IQSEC1: variants seen among roughly 807,000 people sequenced by gnomAD.
IQSEC1 encodes the protein IQ motif and Sec7 domain ArfGEF 1, also known as IQ motif and SEC7 domain-containing protein 1.
A neutral mutation model predicts 91.0 loss-of-function variants in IQSEC1; 31 were observed. The ratio of observed to expected loss-of-function variants is 0.34; its 90% CI spans 0.26 to 0.46. IQSEC1 has a LOEUF of 0.46. IQSEC1 is among the 20% of genes least tolerant of loss of function. The pLI is 1.00. For missense variants in IQSEC1, 1,388 were observed against 1,575.6 expected (o/e 0.88, Z 2.02); for synonymous variants, 699 against 662.6 (o/e 1.05, Z -0.84).
At chr3:12,912,727 T>C (rs1695689211) in intron 9 of IQSEC1, among the ~76,000 whole-genome samples, 1 of 146,698 alleles carries the variant, frequency 6.8e-6, no homozygotes, top group African/African-American at 2.5e-5. Context: ...AGAAAGCCCG[T>C]GGCATGCAGG....
rs979248866 is a variant in IQSEC1 at position 12,983,156 on chromosome 3, T to G, written c.24-41291A>C. On this transcript the variant is annotated intron_variant, in intron 1 of 13. Coordinates refer to ENST00000613206, the MANE Select transcript of IQSEC1 (RefSeq NM_001134382.3). The surrounding 1 kb of genome is among the most constrained non-coding windows in gnomAD (Gnocchi z 4.3). ...AGGGACTTTATGGCCAGCATTCCGC[T>G]GGCCCCAGCTGCATAATCCAGATCT... Among the ~76,000 whole-genome samples the G allele has an allele frequency of 5.3e-5, 8 of 152,220 alleles. No homozygotes were observed. The highest frequency in any genetic ancestry group is 8.8e-5 in the Non-Finnish European group (6 of 68,030).
chr3:12,975,609 C>T (rs536046665), intron 1 of IQSEC1, among the ~76,000 whole-genome samples: 2 of 152,340 alleles, frequency 1.3e-5, no homozygotes, highest in Non-Finnish European at 2.9e-5. Context: ...AACCATGAAG[C>T]TCCACAGTCC....
intron 1 of IQSEC1, among the ~76,000 whole-genome samples, chr3:12,984,997 T>C (rs1164640056): frequency 1.3e-5 from 2 of 151,854 alleles, no homozygotes; most frequent in African/African-American, 4.8e-5. Flanking sequence ...GCTAATTTTT[T>C]GTATTTTTAG....
At position 13,193,690 on chromosome 3, in the gene IQSEC1, G is replaced by C. The variant is rs931219846; in HGVS notation, c.273-29557C>G. 6.6e-6 allele frequency among the ~76,000 whole-genome samples: 1 copy of C among 152,190 alleles called. No homozygotes were observed. The highest frequency in any genetic ancestry group is 1.5e-5 in the Non-Finnish European group (1 of 68,038). ...GGGAAAGAGGCAGTTGGAGACCAAA[G>C]GCTGATGTCAGAGCTTAAGCCTCCC... On this transcript the variant is annotated intron_variant, in intron 1 of 15. Transcript: ENST00000648114. The surrounding 1 kb of genome is among the most constrained non-coding windows in gnomAD (Gnocchi z 4.2).
rs551420832 is a variant in IQSEC1, at chr3:13,231,661, G to A, written c.272+51050C>T. On this transcript the variant is annotated intron_variant, in intron 1 of 15. Coordinates refer to the IQSEC1 transcript ENST00000648114. ...TTATTCTCTATAAAATGGGGATGAT[G>A]AGCCCTACTTTGCTGTCTCTACCAA... Among the ~76,000 whole-genome samples, 20 of 152,324 alleles carry A rather than the reference G, an allele frequency of 1.3e-4. No homozygotes were observed. In the Middle Eastern group the frequency reaches 0.017, roughly 130 times the overall value.
intron 3 of IQSEC1, among the ~76,000 whole-genome samples, chr3:12,932,213 C>T (rs1697740275): frequency 2.0e-5 from 3 of 152,190 alleles, no homozygotes; most frequent in South Asian, 2.1e-4. Context: ...AGTGAGGTCC[C>T]TGCTGGGCAC....
chr3:12,900,926 C>T lies in IQSEC1; in HGVS notation c.*57G>A, dbSNP rs535542117. On this transcript the variant is annotated 3_prime_UTR_variant, in exon 14 of 14. Transcript: ENST00000613206. ...TGGTGTGCGGCTGGCGACCCCCGGGCGTGCCCTGTGTGGTGTGCAGGTGTT... is the reference window on the plus strand; with the variant it reads ...TGGTGTGCGGCTGGCGACCCCCGGGTGTGCCCTGTGTGGTGTGCAGGTGTT... 49 of 1,537,220 alleles carry T rather than the reference C, an allele frequency of 3.2e-5. No homozygotes were observed. In the East Asian group the frequency reaches 6.1e-4, roughly 19 times the overall value.
chr3:13,105,258 A>C (rs968500797), intron 2 of IQSEC1, among the ~76,000 whole-genome samples: 2 of 151,950 alleles, frequency 1.3e-5, no homozygotes, highest in Non-Finnish European at 2.9e-5. Context: ...CCTCCCCTCC[A>C]GGGGACTCTA....
chr3:13,161,998 C>G lies in IQSEC1; in HGVS notation c.302+2106G>C, dbSNP rs138739626. Among the ~76,000 whole-genome samples, 335 of 152,334 alleles carry G rather than the reference C, an allele frequency of 2.2e-3. 7 individuals are homozygous for G. The East Asian group carries it at 0.032, about 15-fold the overall frequency. ...GAAATGTCGTTCCCATCCTCCTCCC[C>G]CAGGGCTGGGTTCCACAGCGCCTGC... On this transcript the variant is annotated intron_variant, in intron 2 of 15. Coordinates refer to the IQSEC1 transcript ENST00000648114.
intron 1 of IQSEC1, among the ~76,000 whole-genome samples, chr3:13,007,307 G>A (rs1304223090): frequency 6.6e-6 from 1 of 152,232 alleles, no homozygotes; most frequent in Non-Finnish European, 1.5e-5. Context: ...GAGCAGGTGG[G>A]GCTGGCTCTG....
Position 13,193,760 on chromosome 3 carries a change from T to C in IQSEC1, c.273-29627A>G, listed in dbSNP as rs1051125017. Reference sequence around the variant, plus strand: ...TGGACACATGCTGTGCTGGACGCTGTCCCACTTCCCCCGGCCCCACACCCT... The same window carrying C: ...TGGACACATGCTGTGCTGGACGCTGCCCCACTTCCCCCGGCCCCACACCCT... On this transcript the variant is annotated intron_variant, in intron 1 of 15. Transcript: ENST00000648114. This position sits in a 1 kb window ranked among gnomAD's most constrained non-coding sequence, Gnocchi z 4.2. Among the ~76,000 whole-genome samples, 6 of 152,080 alleles carry C rather than the reference T, an allele frequency of 3.9e-5. No individual in the cohort carries two copies. Among genetic ancestry groups the C allele is most frequent in the African/African-American group, 1.4e-4 (6 of 41,394 alleles).
intron 1 of IQSEC1, among the ~76,000 whole-genome samples, chr3:13,167,091 G>C (rs997047835): frequency 1.3e-5 from 2 of 152,232 alleles, no homozygotes; most frequent in Admixed American, 6.5e-5. Flanking sequence ...ATGTGCGTGT[G>C]TGTGTGCCTA....
At chr3:13,046,291 G>A (rs557731662) in intron 1 of IQSEC1, among the ~76,000 whole-genome samples, 186 of 152,340 alleles carry the variant, frequency 1.2e-3, no homozygotes, top group African/African-American at 3.6e-3. Context: ...CCGTGCAGAG[G>A]ATCAGGTGAC....
At chr3:13,220,421 G>T (rs1281756062) in intron 1 of IQSEC1, among the ~76,000 whole-genome samples, 2 of 152,182 alleles carry the variant, frequency 1.3e-5, no homozygotes, top group African/African-American at 4.8e-5. Flanking sequence ...TCTGCCAGTT[G>T]CCCCTCACAC....
At chr3:12,939,513 C>T (rs1032044797) in intron 2 of IQSEC1, among the ~76,000 whole-genome samples, 2 of 152,212 alleles carry the variant, frequency 1.3e-5, no homozygotes, top group African/African-American at 2.4e-5. Flanking sequence ...TAAAACTCCT[C>T]GTGGAATCGG....
At chr3:13,258,820 C>T (rs1178914114) in intron 1 of IQSEC1, among the ~76,000 whole-genome samples, 1 of 152,170 alleles carries the variant, frequency 6.6e-6, no homozygotes, top group African/African-American at 2.4e-5. Flanking sequence ...ACCCTCGCCC[C>T]CCTCCCCACC....
At chr3:13,263,436 G>GAAAAA (rs1201448492) in intron 1 of IQSEC1, among the ~76,000 whole-genome samples, 3 of 126,578 alleles carry the variant, frequency 2.4e-5, no homozygotes, top group Non-Finnish European at 5.1e-5. Context: ...TTGGGGGGGG[G>GAAAAA]GGGAAAGTAC....
intron 1 of IQSEC1, among the ~76,000 whole-genome samples, chr3:13,061,400 G>T (rs939079125): frequency 6.6e-6 from 1 of 152,196 alleles, no homozygotes; most frequent in Non-Finnish European, 1.5e-5. Context: ...TCTATCACTA[G>T]GAAAAGAGGA....
intron 2 of IQSEC1, among the ~76,000 whole-genome samples, chr3:13,121,401 C>A: frequency 1.3e-5 from 2 of 152,170 alleles, no homozygotes; most frequent in Non-Finnish European, 2.9e-5. Flanking sequence ...TGAGGCCAGT[C>A]CCACCAGGGC....
Sources: allele counts gnomAD v4.1 joint callset (sites outside exome capture counted in the v4.1 genomes callset), GRCh38; gene constraint gnomAD v4.1.1; non-coding constraint Gnocchi (gnomAD v3.1); transcripts MANE v1.5; gene names NCBI Gene and HGNC (gene_info 2026-07-23, HGNC 2026-07-21).